NPAS3: variants seen among roughly 807,000 people sequenced by gnomAD.
The protein encoded by NPAS3 is neuronal PAS domain protein 3.
NPAS3 carries 14 observed loss-of-function variants against 73.1 expected under a neutral mutation model. That is an observed-to-expected ratio of 0.19 (90% CI 0.13 to 0.30). NPAS3 has a LOEUF of 0.30. Ranked by LOEUF, NPAS3 falls within the 10% of genes least tolerant of loss-of-function variation. NPAS3 has a pLI of 1.00. For missense variants in NPAS3, 1,096 were observed against 1,250.0 expected (o/e 0.88, Z 1.86); for synonymous variants, 620 against 541.5 (o/e 1.14, Z -2.01).
intron 4 of NPAS3, among the ~76,000 whole-genome samples, chr14:33,513,723 GCTGAATGGGCAAGTGTTTTTTT>G (rs1423499979): frequency 1.3e-5 from 2 of 152,030 alleles, no homozygotes; most frequent in Non-Finnish European, 2.9e-5. Flanking sequence ...ACAAATTCAA[GCTGAATGGGCAAGTGTTTTTTT>G]CCTTCTTGAC....
intron 1 of NPAS3, among the ~76,000 whole-genome samples, chr14:32,991,359 C>T (rs1023547006): frequency 6.6e-6 from 1 of 152,064 alleles, no homozygotes; most frequent in African/African-American, 2.4e-5. Flanking sequence ...TGAAGATTCT[C>T]AAGGGATACC....
intron 3 of NPAS3, among the ~76,000 whole-genome samples, chr14:33,299,876 A>G (rs1269065372): frequency 6.6e-6 from 1 of 152,222 alleles, no homozygotes; most frequent in Non-Finnish European, 1.5e-5. Flanking sequence ...TTCTGAATAG[A>G]AAGTGATTTT....
intron 3 of NPAS3, among the ~76,000 whole-genome samples, chr14:33,335,043 C>CGTGTGTGT (rs59212032): frequency 6.8e-6 from 1 of 146,950 alleles, no homozygotes; most frequent in African/African-American, 2.5e-5. Context: ...TGTGTGTGTG[C>CGTGTGTGT]GTGTGTGTGT....
At chr14:33,248,033 G>A (rs1594502497) in intron 3 of NPAS3, among the ~76,000 whole-genome samples, 2 of 152,198 alleles carry the variant, frequency 1.3e-5, no homozygotes, top group East Asian at 1.9e-4. Flanking sequence ...TGAAGGCTAA[G>A]TTCAATCCAT....
chr14:33,656,171 A>T (rs2059140816), intron 5 of NPAS3, among the ~76,000 whole-genome samples: 2 of 152,148 alleles, frequency 1.3e-5, no homozygotes, highest in African/African-American at 4.8e-5. Flanking sequence ...TGCAAACAGA[A>T]GACTAGTAGT....
intron 3 of NPAS3, among the ~76,000 whole-genome samples, chr14:33,322,467 T>G (rs2043495224): frequency 6.6e-6 from 1 of 152,128 alleles, no homozygotes; most frequent in South Asian, 2.1e-4. Context: ...CGGGTGTGTG[T>G]GTCCTCTGTG....
intron 3 of NPAS3, among the ~76,000 whole-genome samples, chr14:33,299,224 C>T (rs906526800): frequency 2.0e-5 from 3 of 152,104 alleles, no homozygotes; most frequent in South Asian, 2.1e-4. Context: ...CCTGAGATAC[C>T]GTCTTTCCCT....
intron 1 of NPAS3, among the ~76,000 whole-genome samples, chr14:32,999,742 G>T (rs181671538): frequency 6.6e-6 from 1 of 152,090 alleles, no homozygotes; most frequent in Non-Finnish European, 1.5e-5. Context: ...TGTTAGTGAT[G>T]TATTTTCTTA....
chr14:32,965,532 C>T (rs1437936472), intron 1 of NPAS3, among the ~76,000 whole-genome samples: 1 of 152,048 alleles, frequency 6.6e-6, no homozygotes, highest in African/African-American at 2.4e-5. Flanking sequence ...AAACCCTAAA[C>T]AAATCAGGTA....
intron 5 of NPAS3, among the ~76,000 whole-genome samples, chr14:33,563,342 C>T (rs535938229): frequency 1.8e-4 from 25 of 141,894 alleles, no homozygotes; most frequent in Middle Eastern, 3.6e-3. Context: ...ACAGCCAGAG[C>T]GGATTTTCTC....
intron 4 of NPAS3, among the ~76,000 whole-genome samples, chr14:33,371,395 G>C (rs2046081457): frequency 6.6e-6 from 1 of 152,160 alleles, no homozygotes; most frequent in Admixed American, 6.6e-5. Context: ...TGTTTTTCAT[G>C]TAGTGAGAGT....
chr14:33,275,872 C>T (rs1000166091), intron 3 of NPAS3, among the ~76,000 whole-genome samples: 11 of 152,170 alleles, frequency 7.2e-5, no homozygotes, highest in African/African-American at 2.7e-4. Context: ...CAAAGCCACA[C>T]AACTATATGT....
intron 1 of NPAS3, among the ~76,000 whole-genome samples, chr14:33,022,907 T>C (rs2039663072): frequency 6.6e-6 from 1 of 152,146 alleles, no homozygotes; most frequent in Non-Finnish European, 1.5e-5. Context: ...GTTGCTGTGC[T>C]TTAGTCAAAA....
At chr14:33,777,973 C>T (rs2062873199) in intron 8 of NPAS3, among the ~76,000 whole-genome samples, 1 of 152,182 alleles carries the variant, frequency 6.6e-6, no homozygotes, top group Non-Finnish European at 1.5e-5. Flanking sequence ...TAAATTATAT[C>T]CCTTGAAATG....
chr14:33,713,203 A>G (rs1039781586), intron 6 of NPAS3, among the ~76,000 whole-genome samples: 20 of 152,200 alleles, frequency 1.3e-4, no homozygotes, highest in Admixed American at 4.6e-4. Flanking sequence ...AAGGTCTCAT[A>G]TAGTAAGTCG....
Position 33,800,544 on chromosome 14 carries a change from C to G in NPAS3, c.2237C>G (p.Pro746Arg). 1 of 1,354,080 alleles carries G rather than the reference C, an allele frequency of 7.4e-7. No individual in the cohort carries two copies. The highest frequency in any genetic ancestry group is 1.5e-5 in the African/African-American group (1 of 64,626). The allele number at this position is 1,354,080 out of a possible 1,614,324, so 83.9% of individuals were successfully genotyped here. ...GCCCTGGCCCCCGTCGCCTCCGACC[C>G]GCTGTCACCCCCGCTCTCGGCGTCC... Residue 746 changes from proline (P) to arginine (R), a missense_variant, in exon 12 of 12, where the codon CCG (proline) becomes CGG (arginine). By Grantham distance (103) the Pro-to-Arg change is moderately radical. Transcript: ENST00000356141. The surrounding 1 kb of genome is among the most constrained non-coding windows in gnomAD (Gnocchi z 6.5).
intron 1 of NPAS3, among the ~76,000 whole-genome samples, chr14:33,050,393 G>T (rs1246778676): frequency 2.0e-5 from 3 of 152,146 alleles, no homozygotes; most frequent in African/African-American, 7.2e-5. Context: ...AGGCCCAGCA[G>T]TCTTCCCTAG....
intron 3 of NPAS3, among the ~76,000 whole-genome samples, chr14:33,308,531 TAC>T (rs550021518): frequency 0.017 from 1,940 of 115,968 alleles, 76 homozygotes; most frequent in South Asian, 0.051. Context: ...TATATATACA[TAC>T]ACACACACAC....
intron 4 of NPAS3, among the ~76,000 whole-genome samples, chr14:33,428,173 G>A (rs2048632806): frequency 6.6e-6 from 1 of 152,034 alleles, no homozygotes. Context: ...CTAGTGCATG[G>A]ATATTAAAAT....
Sources: gnomAD v4.1 joint callset for allele counts (sites outside exome capture counted in the v4.1 genomes callset) on GRCh38, gnomAD v4.1.1 for gene constraint, Gnocchi (gnomAD v3.1) non-coding constraint, MANE v1.5 for transcripts, NCBI Gene and HGNC (gene_info 2026-07-23, HGNC 2026-07-21) for gene names.